The following KIF13A variants were observed in gnomAD, a reference collection of about 807,000 sequenced individuals.
KIF13A encodes kinesin-like protein KIF13A.
KIF13A carries 79 observed loss-of-function variants against 212.2 expected under a neutral mutation model. The ratio of observed to expected loss-of-function variants is 0.37; its 90% CI spans 0.31 to 0.45. The LOEUF (loss-of-function observed/expected upper bound fraction) is 0.45, where lower values mean the gene tolerates loss of function less well. KIF13A is among the 20% of genes least tolerant of loss of function. The pLI is 1.00. For synonymous variants in KIF13A, 789 were observed against 808.6 expected, an observed-to-expected ratio of 0.98 and a Z score of 0.41; for missense variants, 1,901 against 2,209.0, an observed-to-expected ratio of 0.86 and a Z score of 2.79.
In KIF13A at chr6:17,764,414, C is replaced by T. The variant is rs1758760702; in HGVS notation, c.5114G>A (p.Cys1705Tyr). 3 of 1,614,008 alleles carry T rather than the reference C, an allele frequency of 1.9e-6. No homozygotes were observed. The highest frequency in any genetic ancestry group is 2.5e-6 in the Non-Finnish European group (3 of 1,179,884). Residue 1705 changes from cysteine (C) to tyrosine (Y), a missense_variant, in exon 39 of 39, where the codon TGC (cysteine) becomes TAC (tyrosine). Cys to Tyr is a radical substitution (Grantham distance 194, BLOSUM62 -2). Coordinates refer to ENST00000259711, the MANE Select transcript of KIF13A (RefSeq NM_022113.6). This position sits in a 1 kb window ranked among gnomAD's most constrained non-coding sequence, Gnocchi z 5.1. ...RTGSCSELDACPSKISQPARG... is the reference protein window; with the variant it reads ...RTGSCSELDAYPSKISQPARG... The stretch of plus-strand genomic sequence containing the variant: ...GGCTGGCTGGCTAATTTTGCTGGGG[C>T]AGGCATCTAGTTCTGAACATGAGCC...
chr6:17,804,740 G>A (rs1762782868), intron 19 of KIF13A, among the ~76,000 whole-genome samples: 1 of 137,826 alleles, frequency 7.3e-6, no homozygotes, highest in African/African-American at 2.7e-5. Context: ...TTGAACCCAG[G>A]AGACAGAGGT....
intron 25 of KIF13A, among the ~76,000 whole-genome samples, chr6:17,791,050 A>C (rs1761492228): frequency 6.6e-6 from 1 of 152,174 alleles, no homozygotes; most frequent in African/African-American, 2.4e-5. Context: ...ATTTATGACT[A>C]AAAAGTGCTT....
At chr6:17,935,839 T>C (rs1776411206) in intron 2 of KIF13A, among the ~76,000 whole-genome samples, 1 of 152,224 alleles carries the variant, frequency 6.6e-6, no homozygotes, top group South Asian at 2.1e-4. Flanking sequence ...AAATTATTCA[T>C]TTCCAACCAG....
chr6:17,978,257 A>G (rs941069658), intron 2 of KIF13A, among the ~76,000 whole-genome samples: 8 of 152,238 alleles, frequency 5.3e-5, no homozygotes, highest in Non-Finnish European at 8.8e-5. Flanking sequence ...TGAAAACTTT[A>G]TTTTGTTTTT....
At position 17,914,733 on chromosome 6, in the gene KIF13A, T is replaced by C. The variant is rs1758898827; in HGVS notation, c.147-16553A>G. Among the ~76,000 whole-genome samples, 1 of 152,180 alleles carries C rather than the reference T, an allele frequency of 6.6e-6. No individual in the cohort carries two copies. The highest frequency in any genetic ancestry group is 2.1e-4 in the South Asian group (1 of 4,830). ...CACCTCACAGAGCTCCTGCTGCTAA[T>C]TGCCATGGCTGCAATTCCCAGTTTG... is the stretch of plus-strand genomic sequence containing the variant. On this transcript the variant is annotated intron_variant, in intron 2 of 38. Transcript: ENST00000259711. This position sits in a 1 kb window ranked among gnomAD's most constrained non-coding sequence, Gnocchi z 5.9.
chr6:17,948,724 C>T (rs10456814), intron 2 of KIF13A, among the ~76,000 whole-genome samples: 1 of 151,794 alleles, frequency 6.6e-6, no homozygotes, highest in Non-Finnish European at 1.5e-5. Context: ...CCATGCCCGG[C>T]TAATTTTTGT....
intron 31 of KIF13A, among the ~76,000 whole-genome samples, chr6:17,779,999 G>A (rs549157872): frequency 2.0e-5 from 3 of 152,146 alleles, no homozygotes; most frequent in East Asian, 3.9e-4. Flanking sequence ...GCCCGCCTTG[G>A]CCTCTCAAAG....
chr6:17,796,206 T>C (rs903184589), intron 23 of KIF13A, among the ~76,000 whole-genome samples: 1 of 151,312 alleles, frequency 6.6e-6, no homozygotes, highest in African/African-American at 2.4e-5. Flanking sequence ...TTTCCTTTTT[T>C]TTCTTTTTTT....
At chr6:17,977,114 CAAAAAAAAAAAA>C (rs398000718) in intron 2 of KIF13A, among the ~76,000 whole-genome samples, 17 of 106,698 alleles carry the variant, frequency 1.6e-4, no homozygotes, top group African/African-American at 5.7e-4. Flanking sequence ...AAAACAACAA[CAAAAAAAAAAAA>C]AAAAAAAAAA....
At chr6:17,859,852 G>A (rs1768564377) in intron 4 of KIF13A, among the ~76,000 whole-genome samples, 1 of 151,786 alleles carries the variant, frequency 6.6e-6, no homozygotes, top group Non-Finnish European at 1.5e-5. Context: ...GGCCAGGCTG[G>A]TCTCGAACTC....
chr6:17,911,767 A>AT (rs1354677060), intron 2 of KIF13A, among the ~76,000 whole-genome samples: 6 of 84,700 alleles, frequency 7.1e-5, no homozygotes, highest in Admixed American at 1.1e-4. Flanking sequence ...AGTCAATAAT[A>AT]ATTTTTTTTT....
At chr6:17,902,607 A>G (rs1318607024) in intron 2 of KIF13A, among the ~76,000 whole-genome samples, 1 of 152,100 alleles carries the variant, frequency 6.6e-6, no homozygotes, top group Non-Finnish European at 1.5e-5. Flanking sequence ...ACTCTGCCGG[A>G]TCATACCTGC....
intron 3 of KIF13A, among the ~76,000 whole-genome samples, chr6:17,889,643 C>T (rs1462774502): frequency 1.3e-5 from 2 of 152,058 alleles, no homozygotes; most frequent in African/African-American, 2.4e-5. Flanking sequence ...CATATGATGT[C>T]AAAGAAAATA....
chr6:17,945,792 C>T (rs970812408), intron 2 of KIF13A, among the ~76,000 whole-genome samples: 1 of 152,144 alleles, frequency 6.6e-6, no homozygotes. Context: ...ACTGGTCCTA[C>T]AGTTATCAGT....
intron 9 of KIF13A, among the ~76,000 whole-genome samples, chr6:17,841,971 G>A (rs1766556475): frequency 6.6e-6 from 1 of 150,726 alleles, no homozygotes; most frequent in South Asian, 2.1e-4. Context: ...ATACATGTAA[G>A]TACATGTATG....
intron 4 of KIF13A, among the ~76,000 whole-genome samples, chr6:17,868,618 A>T (rs1403380416): frequency 2.6e-5 from 4 of 151,736 alleles, no homozygotes; most frequent in East Asian, 1.9e-4. Context: ...CAAAAAAAAA[A>T]TTTTTGCTTC....
intron 2 of KIF13A, among the ~76,000 whole-genome samples, chr6:17,938,974 G>A (rs1776725662): frequency 1.3e-5 from 2 of 152,108 alleles, no homozygotes; most frequent in South Asian, 4.2e-4. Flanking sequence ...CCCCATGATG[G>A]TAAAGAGATG....
intron 4 of KIF13A, among the ~76,000 whole-genome samples, chr6:17,863,791 G>GT (rs896944663): frequency 9.2e-5 from 14 of 151,742 alleles, no homozygotes; most frequent in East Asian, 3.9e-4. Flanking sequence ...AAGGATTTTT[G>GT]TTTTTTTTGT....
chr6:17,877,790 C>T (rs1001569562), intron 3 of KIF13A, among the ~76,000 whole-genome samples: 7 of 151,384 alleles, frequency 4.6e-5, no homozygotes, highest in Non-Finnish European at 8.8e-5. Context: ...AAAAAAAAAT[C>T]CTCCCACCAA....
Sources: gnomAD v4.1 joint callset for allele counts (sites outside exome capture counted in the v4.1 genomes callset) on GRCh38, gnomAD v4.1.1 for gene constraint, Gnocchi (gnomAD v3.1) non-coding constraint, MANE v1.5 for transcripts, NCBI Gene and HGNC (gene_info 2026-07-23, HGNC 2026-07-21) for gene names.